Variants in PCDH15 observed in about 807,000 individuals in gnomAD.
The protein encoded by PCDH15 is protocadherin related 15, also known as protocadherin-15.
A neutral mutation model predicts 178.5 loss-of-function variants in PCDH15; 129 were observed. That is an observed-to-expected ratio of 0.72 (90% CI 0.63 to 0.84). The LOEUF is 0.84. Among genes scored for constraint, PCDH15 ranks in the 40% least tolerant of loss-of-function variants. The pLI is 0.00. For missense variants in PCDH15, 2,230 were observed against 2,099.9 expected (o/e 1.06, Z -1.21); for synonymous variants, 800 against 732.0 (o/e 1.09, Z -1.50).
intron 5 of PCDH15, among the ~76,000 whole-genome samples, chr10:54,355,686 A>C (rs917749445): frequency 6.6e-6 from 1 of 152,084 alleles, no homozygotes; most frequent in Non-Finnish European, 1.5e-5. Context: ...TTACAAAAGG[A>C]GACATAAAAT....
At chr10:55,162,056 T>C (rs367651301) in intron 2 of PCDH15, among the ~76,000 whole-genome samples, 77 of 152,258 alleles carry the variant, frequency 5.1e-4, no homozygotes, top group African/African-American at 1.7e-3. Context: ...GTGATGTGGA[T>C]AATTAACATC....
At chr10:54,535,460 C>CA (rs1279123769) in intron 2 of PCDH15, among the ~76,000 whole-genome samples, 2 of 152,062 alleles carry the variant, frequency 1.3e-5, no homozygotes, top group African/African-American at 4.8e-5. Flanking sequence ...CCTGTAATCC[C>CA]AGCACTTTGG....
chr10:55,572,306 T>C (rs866200225), intron 2 of PCDH15, among the ~76,000 whole-genome samples: 35 of 135,140 alleles, frequency 2.6e-4, no homozygotes, highest in African/African-American at 9.7e-4. Flanking sequence ...GTATATAAAG[T>C]ATAGTGAATA....
intron 2 of PCDH15, among the ~76,000 whole-genome samples, chr10:55,012,990 A>T (rs1003490988): frequency 2.6e-5 from 4 of 152,174 alleles, no homozygotes; most frequent in Non-Finnish European, 4.4e-5. Context: ...TAAAGACATA[A>T]TTTATCTCCT....
intron 2 of PCDH15, among the ~76,000 whole-genome samples, chr10:54,533,039 T>C (rs981499320): frequency 1.3e-5 from 2 of 152,212 alleles, no homozygotes; most frequent in Non-Finnish European, 2.9e-5. Flanking sequence ...TGGGAGGCCC[T>C]GAACTGGTAA....
At chr10:53,812,102 T>C (rs1272115439) in intron 35 of PCDH15, among the ~76,000 whole-genome samples, 1 of 152,250 alleles carries the variant, frequency 6.6e-6, no homozygotes, top group African/African-American at 2.4e-5. Context: ...GAAACTGTTC[T>C]GATAAAGTCA....
intron 2 of PCDH15, among the ~76,000 whole-genome samples, chr10:55,006,097 T>C (rs576728158): frequency 7.9e-5 from 12 of 152,002 alleles, no homozygotes; most frequent in Non-Finnish European, 1.6e-4. Flanking sequence ...TTTTTTGGAG[T>C]AAAGAGAATG....
In PCDH15 at chr10:53,840,329, T is replaced by G. The variant is rs780016103; in HGVS notation, c.3974A>C (p.Glu1325Ala). ...AACAAAAAGCACTTACTTAAAAAGC[T>G]CATTTCTATCGATGGCTCTGTTGGT... ...PQTNRAIDRN[E>A]LFKFLDGKLL... The change falls in exon 29 of 38, where the codon GAG (glutamate) becomes GCG (alanine). Residue 1325 changes from glutamate to alanine, a missense_variant. Coordinates refer to ENST00000644397, the MANE Select transcript of PCDH15 (RefSeq NM_001384140.1). 1 of 1,614,132 alleles carries G rather than the reference T, an allele frequency of 6.2e-7. No homozygotes were observed. Among genetic ancestry groups the G allele is most frequent in the South Asian group, 1.1e-5 (1 of 91,084 alleles).
chr10:55,325,788 A>C (rs1844015286), intron 2 of PCDH15, among the ~76,000 whole-genome samples: 1 of 152,134 alleles, frequency 6.6e-6, no homozygotes, highest in Non-Finnish European at 1.5e-5. Flanking sequence ...ACAATCTATC[A>C]ACAGACTAAA....
At chr10:53,823,064 G>A in intron 32 of PCDH15, 1 of 1,613,934 alleles carries the variant, frequency 6.2e-7, no homozygotes, top group South Asian at 1.1e-5. Flanking sequence ...CTTGTATTTT[G>A]GGTGAAAATG....
At chr10:55,399,729 C>T (rs1838019795) in intron 2 of PCDH15, among the ~76,000 whole-genome samples, 2 of 151,870 alleles carry the variant, frequency 1.3e-5, no homozygotes, top group African/African-American at 4.8e-5. Flanking sequence ...AGGGCAAAAG[C>T]AAAATCATAA....
intron 2 of PCDH15, among the ~76,000 whole-genome samples, chr10:55,096,736 T>C (rs573129227): frequency 6.6e-6 from 1 of 152,244 alleles, no homozygotes; most frequent in African/African-American, 2.4e-5. Flanking sequence ...AATGCAGTAT[T>C]TGTCTTTCTG....
chr10:54,663,667 T>A (rs2135415615), intron 2 of PCDH15, among the ~76,000 whole-genome samples: 1 of 145,412 alleles, frequency 6.9e-6, no homozygotes, highest in Admixed American at 6.9e-5. Flanking sequence ...AAATACCAAA[T>A]CTTTTTTCAT....
chr10:55,379,107 G>GATAT (rs58819126), intron 2 of PCDH15, among the ~76,000 whole-genome samples: 2,080 of 148,516 alleles, frequency 0.014, 53 homozygotes, highest in African/African-American at 0.049. Flanking sequence ...CACATACATT[G>GATAT]ATATATATAT....
chr10:55,119,734 G>A (rs1326921494), intron 2 of PCDH15, among the ~76,000 whole-genome samples: 1 of 152,144 alleles, frequency 6.6e-6, no homozygotes, highest in Admixed American at 6.5e-5. Context: ...CCTCTCAGGA[G>A]GGAAGTAATA....
intron 2 of PCDH15, among the ~76,000 whole-genome samples, chr10:54,639,033 C>G (rs11004424): frequency 0.023 from 3,430 of 152,116 alleles, 137 homozygotes; most frequent in East Asian, 0.12. Context: ...CAATATCCTA[C>G]CTTAACAAGC....
At chr10:55,146,071 G>A (rs1838501970) in intron 2 of PCDH15, among the ~76,000 whole-genome samples, 1 of 151,862 alleles carries the variant, frequency 6.6e-6, no homozygotes, top group Non-Finnish European at 1.5e-5. Context: ...GATAGAGTAG[G>A]TTTTACGGAA....
intron 2 of PCDH15, chr10:55,513,277 C>G (rs1046438470): frequency 6.6e-6 from 1 of 152,032 alleles, no homozygotes; most frequent in African/African-American, 2.4e-5. Flanking sequence ...TGTGTCCCTG[C>G]CTCATTGATG....
chr10:54,002,947 T>C (rs575157669), intron 20 of PCDH15, among the ~76,000 whole-genome samples: 6 of 152,276 alleles, frequency 3.9e-5, no homozygotes, highest in Admixed American at 6.5e-5. Flanking sequence ...TTTCGCTTTG[T>C]TCAATAAACT....
Sources: gnomAD v4.1 joint callset for allele counts (sites outside exome capture counted in the v4.1 genomes callset) on GRCh38, gnomAD v4.1.1 for gene constraint, MANE v1.5 for transcripts, NCBI Gene and HGNC (gene_info 2026-07-23, HGNC 2026-07-21) for gene names.